AUTS2: variants seen among roughly 807,000 people sequenced by gnomAD.
The protein encoded by AUTS2 is autism susceptibility gene 2 protein.
AUTS2 carries 17 observed loss-of-function variants against 112.4 expected under a neutral mutation model. That is an observed-to-expected ratio of 0.15 (90% confidence interval 0.10 to 0.23). The LOEUF (loss-of-function observed/expected upper bound fraction) is 0.23, where lower values mean the gene tolerates loss of function less well. Ranked by LOEUF, AUTS2 falls within the 10% of genes least tolerant of loss-of-function variation. AUTS2 has a pLI of 1.00. For synonymous variants in AUTS2, 751 were observed against 702.7 expected, an observed-to-expected ratio of 1.07 and a Z score of -1.09; for missense variants, 1,510 against 1,701.6, an observed-to-expected ratio of 0.89 and a Z score of 1.98.
At chr7:70,722,690 G>C (rs1430970925) in intron 6 of AUTS2, among the ~76,000 whole-genome samples, 4 of 152,116 alleles carry the variant, frequency 2.6e-5, no homozygotes, top group Admixed American at 6.5e-5. Context: ...AAGTCATTAT[G>C]GTGTCTGCTA....
chr7:70,632,561 C>T (rs1362685630), intron 5 of AUTS2, among the ~76,000 whole-genome samples: 1 of 151,914 alleles, frequency 6.6e-6, no homozygotes, highest in Non-Finnish European at 1.5e-5. Flanking sequence ...ACGCAGGTTT[C>T]TGTGAATCTG....
At chr7:69,973,081 G>A (rs1238968375) in intron 2 of AUTS2, among the ~76,000 whole-genome samples, 1 of 151,884 alleles carries the variant, frequency 6.6e-6, no homozygotes, top group Admixed American at 6.6e-5. Context: ...TTCATGAAGA[G>A]GTTTGTCTCT....
At chr7:70,496,043 T>A in intron 5 of AUTS2, among the ~76,000 whole-genome samples, 1 of 99,816 alleles carries the variant, frequency 1.0e-5, no homozygotes, top group Non-Finnish European at 1.9e-5. Flanking sequence ...CATGCACACG[T>A]CACATCAGCA....
intron 4 of AUTS2, among the ~76,000 whole-genome samples, chr7:70,251,745 T>G (rs1375344160): frequency 6.6e-6 from 1 of 152,168 alleles, no homozygotes; most frequent in Non-Finnish European, 1.5e-5. Flanking sequence ...TAATTCTGAT[T>G]ACTGAGATTT....
chr7:70,013,995 C>T (rs1180882984), intron 2 of AUTS2, among the ~76,000 whole-genome samples: 7 of 152,164 alleles, frequency 4.6e-5, no homozygotes, highest in East Asian at 3.9e-4. Flanking sequence ...GGATTACAGG[C>T]GTGAGCCACC....
At chr7:70,479,332 G>A (rs1216941998) in intron 5 of AUTS2, among the ~76,000 whole-genome samples, 1 of 152,146 alleles carries the variant, frequency 6.6e-6, no homozygotes, top group East Asian at 1.9e-4. Context: ...TTGTTTTATG[G>A]AGCTTGATTC....
chr7:69,614,452 C>T (rs1378236001), intron 1 of AUTS2, among the ~76,000 whole-genome samples: 1 of 151,588 alleles, frequency 6.6e-6, no homozygotes, highest in East Asian at 1.9e-4. Flanking sequence ...CTCCTGGCCT[C>T]AAGCGATCCT....
At chr7:70,212,833 C>T (rs10085908) in intron 4 of AUTS2, among the ~76,000 whole-genome samples, 12,199 of 151,856 alleles carry the variant, frequency 0.08, 629 homozygotes, top group African/African-American at 0.13. Context: ...TTTTCTTTTT[C>T]CTTAATGTTA....
intron 6 of AUTS2, among the ~76,000 whole-genome samples, chr7:70,739,096 G>C (rs1787951923): frequency 7.5e-6 from 1 of 134,144 alleles, no homozygotes; most frequent in African/African-American, 2.8e-5. Flanking sequence ...TGCTGTCATA[G>C]CTCACTTGCA....
At chr7:70,626,246 A>AGGTGT (rs112794942) in intron 5 of AUTS2, among the ~76,000 whole-genome samples, 70,136 of 149,692 alleles carry the variant, frequency 0.47, 16,906 homozygotes, top group Middle Eastern at 0.54. Flanking sequence ...ATAGATGTCC[A>AGGTGT]GGTATGGTGG....
chr7:70,785,863 A>C, intron 16 of AUTS2, 92 bp from the exon 17 acceptor site: 1 of 1,180,380 alleles, frequency 8.5e-7, no homozygotes, highest in Non-Finnish European at 1.3e-6. Flanking sequence ...TAGAGAGGGC[A>C]GGGATCCCGC....
intron 4 of AUTS2, among the ~76,000 whole-genome samples, chr7:70,205,240 A>G (rs1197890414): frequency 6.6e-6 from 1 of 151,930 alleles, no homozygotes; most frequent in Non-Finnish European, 1.5e-5. Context: ...TAGACATGGG[A>G]TCTCACTGTA....
intron 1 of AUTS2, among the ~76,000 whole-genome samples, chr7:69,765,302 G>A (rs1474933888): frequency 6.6e-6 from 1 of 152,152 alleles, no homozygotes; most frequent in Admixed American, 6.5e-5. Flanking sequence ...CATTGGACAT[G>A]GTAGGTACCT....
intron 1 of AUTS2, among the ~76,000 whole-genome samples, chr7:69,659,106 G>A (rs1584023415): frequency 6.6e-6 from 1 of 152,330 alleles, no homozygotes; most frequent in Admixed American, 6.5e-5. Context: ...TCTTTAAAAT[G>A]ACCAGTGCCA....
rs564080960 is a variant in AUTS2 at position 70,529,312 on chromosome 7, G to A, written c.690+93531G>A. 2.6e-5 allele frequency among the ~76,000 whole-genome samples: 4 copies of A among 152,274 alleles called. No individual in the cohort carries two copies. The East Asian group carries it at 5.8e-4, about 22-fold the overall frequency. ...ATTTATGTATTTCATAGCCTACAAA[G>A]CCCCTTCATAAATAATCTTTGCAAA... On this transcript the variant is annotated intron_variant, in intron 5 of 18. Transcript: ENST00000342771.
chr7:69,936,907 G>A (rs989620041), intron 2 of AUTS2, among the ~76,000 whole-genome samples: 1 of 151,632 alleles, frequency 6.6e-6, no homozygotes, highest in African/African-American at 2.4e-5. Flanking sequence ...TCTTTCCGTC[G>A]TTCCTCCCTC....
intron 5 of AUTS2, among the ~76,000 whole-genome samples, chr7:70,472,214 C>A (rs553117681): frequency 1.6e-4 from 24 of 152,330 alleles, no homozygotes; most frequent in African/African-American, 5.5e-4. Context: ...CCACATCCCA[C>A]TGTACTCCCT....
At chr7:69,612,521 G>A (rs1010273325) in intron 1 of AUTS2, among the ~76,000 whole-genome samples, 8 of 151,734 alleles carry the variant, frequency 5.3e-5, no homozygotes, top group Admixed American at 2.6e-4. Context: ...GTACAGTGGC[G>A]CAGTCATGGC....
chr7:70,550,684 GT>G (rs1424541137), intron 5 of AUTS2, among the ~76,000 whole-genome samples: 1 of 152,202 alleles, frequency 6.6e-6, no homozygotes, highest in Non-Finnish European at 1.5e-5. Flanking sequence ...ATGGGTTAGA[GT>G]TAAAAATATC....
Sources: gnomAD v4.1 joint callset for allele counts (sites outside exome capture counted in the v4.1 genomes callset) on GRCh38, gnomAD v4.1.1 for gene constraint, MANE v1.5 for transcripts, NCBI Gene and HGNC (gene_info 2026-07-23, HGNC 2026-07-21) for gene names.